The following ELAPOR1 variants were observed in gnomAD, a reference collection of about 807,000 sequenced individuals.
The protein encoded by ELAPOR1 is endosome-lysosome associated apoptosis and autophagy regulator 1.
Under a neutral mutation model 119.7 loss-of-function variants are expected in ELAPOR1, and 77 were observed. The ratio of observed to expected loss-of-function variants is 0.64; its 90% CI spans 0.54 to 0.78. The LOEUF (loss-of-function observed/expected upper bound fraction) is 0.78. Ranked by LOEUF, ELAPOR1 falls within the 30% of genes least tolerant of loss-of-function variation. ELAPOR1 has a pLI of 0.00. For missense variants in ELAPOR1, 1,115 were observed against 1,270.4 expected (o/e 0.88, Z 1.86); for synonymous variants, 481 against 487.2 (o/e 0.99, Z 0.17).
intron 8 of ELAPOR1, chr1:109,186,715 C>T (rs1653073878): frequency 4.1e-6 from 4 of 985,528 alleles, no homozygotes; most frequent in South Asian, 4.7e-5. Context: ...GACAATTAAT[C>T]CTGCTGCTCT....
At chr1:109,141,135 A>ATG (rs1215383459) in intron 1 of ELAPOR1, among the ~76,000 whole-genome samples, 5 of 152,216 alleles carry the variant, frequency 3.3e-5, no homozygotes, top group African/African-American at 1.2e-4. Flanking sequence ...TACAGGCATG[A>ATG]GCCATCATGC....
intron 1 of ELAPOR1, among the ~76,000 whole-genome samples, chr1:109,138,910 T>G (rs551197678): frequency 4.0e-5 from 6 of 151,638 alleles, no homozygotes; most frequent in Admixed American, 1.3e-4. Flanking sequence ...TAAAACAAAT[T>G]TTTAAATAGG....
intron 11 of ELAPOR1, among the ~76,000 whole-genome samples, chr1:109,190,922 A>G (rs1460155427): frequency 6.6e-6 from 1 of 152,206 alleles, no homozygotes; most frequent in Non-Finnish European, 1.5e-5. Flanking sequence ...GTGCTTCTCA[A>G]ACATAAATGT....
At chr1:109,118,774 C>G (rs954247710) in intron 1 of ELAPOR1, among the ~76,000 whole-genome samples, 4 of 152,058 alleles carry the variant, frequency 2.6e-5, no homozygotes, top group Admixed American at 1.3e-4. Context: ...GTTCCCTGTT[C>G]TTAGTTCTGA....
chr1:109,172,980 C>A lies in ELAPOR1; in HGVS notation c.696+412C>A, dbSNP rs192140335. Among the ~76,000 whole-genome samples, 1,021 of 151,950 alleles carry A rather than the reference C, an allele frequency of 6.7e-3. 11 individuals carry two copies. The highest frequency in any genetic ancestry group is 0.024 in the African/African-American group (981 of 41,428). ...GGTATGGTGGCCCATGCTTGTAATC[C>A]CAGCTACTCGGGAGGCTGAGGCAGG... On this transcript the variant is annotated intron_variant, in intron 5 of 21. Coordinates refer to ENST00000369939, the MANE Select transcript of ELAPOR1 (RefSeq NM_020775.5).
chr1:109,183,817 T>C (rs554123022), intron 7 of ELAPOR1, among the ~76,000 whole-genome samples: 95 of 152,198 alleles, frequency 6.2e-4, no homozygotes, highest in Non-Finnish European at 1.1e-3. Flanking sequence ...GGGTTTGCTA[T>C]GTTGCCCAGG....
chr1:109,137,774 C>T (rs936335195), intron 1 of ELAPOR1, among the ~76,000 whole-genome samples: 3 of 152,138 alleles, frequency 2.0e-5, no homozygotes, highest in Admixed American at 6.5e-5. Flanking sequence ...GTGATCTGCC[C>T]GCCTCGGCCC....
At chr1:109,151,638 A>G (rs1404750321) in intron 1 of ELAPOR1, among the ~76,000 whole-genome samples, 3 of 152,314 alleles carry the variant, frequency 2.0e-5, no homozygotes, top group African/African-American at 7.2e-5. Flanking sequence ...GCTAAGTGGA[A>G]TTCATTGGTA....
chr1:109,199,890 C>T lies in ELAPOR1; in HGVS notation c.2538C>T (p.Phe846=). Residue 846 remains phenylalanine (F), a synonymous_variant, in exon 19 of 22, where the codon TTC becomes TTT. Transcript: ENST00000369939. ...ATGGGACCTGTGATGGCTGCAACTTCCACTTCCTGTGGGAGAGCGCGGCTG... is the reference window on the plus strand; with the variant it reads ...ATGGGACCTGTGATGGCTGCAACTTTCACTTCCTGTGGGAGAGCGCGGCTG... ...CSDGTCDGCN[F]HFLWESAAAC... The T allele has an allele frequency of 6.2e-7, 1 of 1,613,604 alleles. No individual in the cohort carries two copies. Among genetic ancestry groups the T allele is most frequent in the Non-Finnish European group, 8.5e-7 (1 of 1,180,030 alleles).
At chr1:109,161,871 G>A (rs768606114) in intron 1 of ELAPOR1, 23 bp from the exon 2 acceptor site, 52 of 1,592,264 alleles carry the variant, frequency 3.3e-5, no homozygotes, top group East Asian at 1.6e-4. Flanking sequence ...TGCACATTTC[G>A]CCCACTGTTC....
In ELAPOR1 at chr1:109,197,508, C is replaced by G. The variant is rs760950184; in HGVS notation, c.2156C>G (p.Thr719Ser). The change falls in exon 16 of 22, where the codon ACT (threonine) becomes AGT (serine). Residue 719 changes from threonine (T) to serine (S), a missense_variant. Thr to Ser is a moderately conservative substitution (Grantham distance 58). Coordinates refer to ENST00000369939, the MANE Select transcript of ELAPOR1 (RefSeq NM_020775.5). ...ATGTCTGTGTGCACCGACAATGTCA[C>G]TGACCTCCGGATTCCTGAGGGTGAG... is the stretch of plus-strand genomic sequence containing the variant. ...RKMSVCTDNV[T>S]DLRIPEGESG... 7.4e-6 allele frequency: 12 copies of G among 1,614,096 alleles called. No individual in the cohort carries two copies. The African/African-American group carries it at 1.3e-4, about 18-fold the overall frequency.
At chr1:109,132,472 G>A (rs17838304) in intron 1 of ELAPOR1, among the ~76,000 whole-genome samples, 37,542 of 152,024 alleles carry the variant, frequency 0.25, 5,590 homozygotes, top group African/African-American at 0.41. Flanking sequence ...TAGAGAGCTT[G>A]TAGTCTAATG....
intron 3 of ELAPOR1, among the ~76,000 whole-genome samples, chr1:109,165,425 A>C (rs1651528003): frequency 6.6e-6 from 1 of 151,966 alleles, no homozygotes; most frequent in Non-Finnish European, 1.5e-5. Flanking sequence ...CTCTACTAAA[A>C]ATACAAAAAA....
At position 109,114,202 on chromosome 1, in the gene ELAPOR1, A is replaced by G; in HGVS notation, c.19A>G (p.Ser7Gly). The G allele has an allele frequency of 1.2e-6, 2 of 1,602,634 alleles. No individual in the cohort carries two copies. Among genetic ancestry groups the G allele is most frequent in the East Asian group, 2.3e-5 (1 of 44,314 alleles). Reference sequence around the variant, plus strand: ...CAACGCTATGGCTGAGCCTGGGCACAGCCACCATCTCTCCGCCAGAGTCAG... The same window carrying G: ...CAACGCTATGGCTGAGCCTGGGCACGGCCACCATCTCTCCGCCAGAGTCAG... Reference protein sequence around the residue: MAEPGHSHHLSARVRGR... With the variant: MAEPGHGHHLSARVRGR... The change falls in exon 1 of 22, where the codon AGC becomes GGC. Residue 7 changes from serine (S) to glycine (G), a missense_variant. Ser to Gly is a moderately conservative substitution (Grantham distance 56). Coordinates refer to ENST00000369939, the MANE Select transcript of ELAPOR1 (RefSeq NM_020775.5).
chr1:109,179,887 CA>C lies in ELAPOR1; in HGVS notation c.953-5156del, dbSNP rs1220009604. On this transcript the variant is annotated intron_variant, in intron 7 of 21. Coordinates refer to ENST00000369939, the MANE Select transcript of ELAPOR1 (RefSeq NM_020775.5). Reference sequence around the variant, plus strand: ...CACCATTGCACTCTAGCCTGGGTGACAAGAGGGAAACTCCATCTCAAAAAAA... The same window carrying C: ...CACCATTGCACTCTAGCCTGGGTGACAGAGGGAAACTCCATCTCAAAAAAA... Among the ~76,000 whole-genome samples the C allele has an allele frequency of 3.3e-5, 5 of 152,068 alleles. No individual in the cohort carries two copies. In the East Asian group the frequency reaches 7.7e-4, roughly 23 times the overall value.
chr1:109,192,795 C>T lies in ELAPOR1; in HGVS notation c.1868C>T (p.Thr623Ile), dbSNP rs746930570. Residue 623 changes from threonine to isoleucine, a missense_variant, in exon 14 of 22, where the codon ACT becomes ATT. Transcript: ENST00000369939. ...TCAGGAACCTGCCACTCCTGCCCCA[C>T]TAACACAATTCTGAAAGCCCACCAG... ...RDSGTCHSCPTNTILKAHQPY... is the reference protein window; with the variant it reads ...RDSGTCHSCPINTILKAHQPY... The T allele has an allele frequency of 4.3e-6, 7 of 1,614,086 alleles. No homozygotes were observed. In the Admixed American group the frequency reaches 5.0e-5, roughly 12 times the overall value.
At chr1:109,118,802 C>T (rs1371870823) in intron 1 of ELAPOR1, among the ~76,000 whole-genome samples, 1 of 152,052 alleles carries the variant, frequency 6.6e-6, no homozygotes, top group African/African-American at 2.4e-5. Flanking sequence ...GGGATCAGCC[C>T]CTGTAGTCAG....
intron 1 of ELAPOR1, among the ~76,000 whole-genome samples, chr1:109,127,578 A>AT (rs956327389): frequency 1.3e-5 from 2 of 149,534 alleles, no homozygotes; most frequent in African/African-American, 4.9e-5. Flanking sequence ...TTATTTATTT[A>AT]TTTTTTTGAG....
chr1:109,189,751 T>C, intron 11 of ELAPOR1, 69 bp downstream of exon 11: 2 of 1,217,072 alleles, frequency 1.6e-6, no homozygotes, highest in Non-Finnish European at 2.4e-6. Context: ...TATTTTGGAA[T>C]ATTGTAGAGG....
Sources: gnomAD v4.1 joint callset for allele counts (sites outside exome capture counted in the v4.1 genomes callset) on GRCh38, gnomAD v4.1.1 for gene constraint, MANE v1.5 for transcripts, NCBI Gene and HGNC (gene_info 2026-07-23, HGNC 2026-07-21) for gene names.